TENM1: variants seen among roughly 807,000 people sequenced by gnomAD.
The protein encoded by TENM1 is teneurin transmembrane protein 1.
Under a neutral mutation model 174.8 loss-of-function variants are expected in TENM1, and 35 were observed. The ratio of observed to expected loss-of-function variants is 0.20; its 90% CI spans 0.15 to 0.27. The LOEUF is 0.27. TENM1 is among the 10% of genes least tolerant of loss of function. The pLI is 1.00. For synonymous variants in TENM1, 781 were observed against 798.7 expected (o/e 0.98, Z 0.37); for missense variants, 1,633 against 2,130.1 (o/e 0.77, Z 4.59).
chrX:124,493,792 C>A (rs1198477752), intron 20 of TENM1, among the ~76,000 whole-genome samples: 1 of 111,467 alleles, frequency 9.0e-6, no homozygotes, highest in Admixed American at 9.5e-5. Context: ...TTCTGAGGTA[C>A]ATGAACACTT....
intron 6 of TENM1, 24 bp downstream of exon 9, chrX:124,671,659 A>G (rs1302319766): frequency 8.4e-7 from 1 of 1,190,924 alleles, no homozygotes; most frequent in Non-Finnish European, 1.1e-6. Context: ...AGTAATCAAC[A>G]ATCAATCATT....
the TENM1 span, among the ~76,000 whole-genome samples, chrX:124,971,858 T>A: frequency 8.9e-6 from 1 of 112,056 alleles, no homozygotes; most frequent in African/African-American, 3.2e-5. Context: ...TCTGTACGAG[T>A]TTGCTAGTTA....
chrX:125,177,443 T>G, the TENM1 span, among the ~76,000 whole-genome samples: 8 of 112,627 alleles, frequency 7.1e-5, no homozygotes, highest in East Asian at 2.2e-3. Context: ...CCCTTGCTAC[T>G]TCAGATATGG....
chrX:124,477,946 T>C (rs1257980443), intron 22 of TENM1, among the ~76,000 whole-genome samples: 1 of 99,838 alleles, frequency 1.0e-5, no homozygotes, highest in Non-Finnish European at 1.9e-5. Flanking sequence ...TGATTCTCTA[T>C]TTCCTCTTCT....
At chrX:124,671,918 A>G (rs755070305) in intron 5 of TENM1, 83 bp from the exon 9 acceptor site, 199 of 1,049,571 alleles carry the variant, frequency 1.9e-4, no homozygotes, top group Middle Eastern at 1.3e-3. Context: ...GCACCTAAAA[A>G]TGTTACGAAC....
chrX:124,886,522 CATATAT>C lies in TENM1; in HGVS notation c.535+7768_535+7773del, dbSNP rs3056632. On this transcript the variant is annotated intron_variant, in intron 3 of 31. Coordinates refer to ENST00000422452, the Ensembl canonical transcript of TENM1. ...ATAGTACTGCTAGCAAAAACATATA[CATATAT>C]ATATATATATATATATATATAGAGA... 8.3e-3 allele frequency among the ~76,000 whole-genome samples: 623 copies of C among 74,907 alleles called. 10 individuals are homozygous for C. The highest frequency in any genetic ancestry group is 0.029 in the African/African-American group (574 of 19,798). 65.0% of individuals were successfully genotyped at this position (74,907 alleles called of 115,157 possible).
the TENM1 span, among the ~76,000 whole-genome samples, chrX:125,066,717 T>C: frequency 6.2e-5 from 7 of 112,033 alleles, no homozygotes; most frequent in Non-Finnish European, 1.1e-4. Context: ...AAACAAATTA[T>C]CTATTTGGCT....
intron 11 of TENM1, among the ~76,000 whole-genome samples, chrX:124,582,190 C>A (rs766856046): frequency 7.4e-4 from 83 of 112,357 alleles, no homozygotes; most frequent in Middle Eastern, 4.6e-3. Context: ...CAACTCCATC[C>A]ATGCCCCTGC....
At chrX:124,432,468 G>T (rs926915090) in intron 23 of TENM1, among the ~76,000 whole-genome samples, 4 of 111,911 alleles carry the variant, frequency 3.6e-5, no homozygotes, top group African/African-American at 1.3e-4. Context: ...GCGTGCAGTG[G>T]CATGATCTCA....
At chrX:125,000,970 T>C in the TENM1 span, among the ~76,000 whole-genome samples, 1 of 110,695 alleles carries the variant, frequency 9.0e-6, no homozygotes, top group African/African-American at 3.3e-5. Flanking sequence ...AATTAGTGCA[T>C]TGATTAAATT....
At chrX:124,563,421 T>A (rs944110634) in intron 13 of TENM1, among the ~76,000 whole-genome samples, 7 of 106,403 alleles carry the variant, frequency 6.6e-5, no homozygotes, top group Non-Finnish European at 1.1e-4. Flanking sequence ...TTATTAAAAA[T>A]TATTTAATAA....
chrX:124,801,945 T>C (rs1010923150), intron 3 of TENM1, among the ~76,000 whole-genome samples: 1 of 112,054 alleles, frequency 8.9e-6, no homozygotes, highest in South Asian at 3.7e-4. Flanking sequence ...TGGTTTCTGC[T>C]GAGAGGTTCA....
At chrX:124,779,689 C>T (rs1476314780) in intron 3 of TENM1, among the ~76,000 whole-genome samples, 1 of 111,534 alleles carries the variant, frequency 9.0e-6, no homozygotes, top group Admixed American at 9.5e-5. Flanking sequence ...CACTTTTTCC[C>T]CTGGAAGTTG....
intron 28 of TENM1, among the ~76,000 whole-genome samples, chrX:124,387,041 A>T (rs1021662482): frequency 5.6e-5 from 6 of 106,607 alleles, no homozygotes; most frequent in Admixed American, 5.3e-4. Context: ...ATTTATAGTT[A>T]TCATAAAGTA....
intron 3 of TENM1, among the ~76,000 whole-genome samples, chrX:124,785,517 T>C (rs1171910644): frequency 2.7e-5 from 3 of 112,169 alleles, no homozygotes; most frequent in Admixed American, 1.9e-4. Flanking sequence ...TGGTTTCCCA[T>C]GTAGCTTCCC....
chrX:124,606,451 C>T (rs2050159572), intron 11 of TENM1, among the ~76,000 whole-genome samples: 1 of 111,471 alleles, frequency 9.0e-6, no homozygotes, highest in African/African-American at 3.2e-5. Context: ...CCTCATTTTG[C>T]CATTTATTTT....
chrX:124,991,776 G>A, the TENM1 span, among the ~76,000 whole-genome samples: 4 of 110,746 alleles, frequency 3.6e-5, no homozygotes, highest in African/African-American at 9.8e-5. Flanking sequence ...TAGGACCAAC[G>A]AATTAGGCAA....
the TENM1 span, among the ~76,000 whole-genome samples, chrX:125,163,701 G>C: frequency 1.8e-5 from 2 of 111,017 alleles, no homozygotes; most frequent in South Asian, 7.6e-4. Context: ...AAGTGTTTTT[G>C]TCACTTTTTC....
At chrX:125,020,677 A>G in the TENM1 span, among the ~76,000 whole-genome samples, 1 of 110,897 alleles carries the variant, frequency 9.0e-6, no homozygotes, top group Non-Finnish European at 1.9e-5. Context: ...TTAAATCACC[A>G]TTTCACTTTG....
Sources: gnomAD v4.1 joint callset for allele counts (sites outside exome capture counted in the v4.1 genomes callset) on GRCh38, gnomAD v4.1.1 for gene constraint, MANE v1.5 for transcripts, NCBI Gene and HGNC (gene_info 2026-07-23, HGNC 2026-07-21) for gene names.